The following CCNA1 variants were observed in gnomAD, a reference collection of about 807,000 sequenced individuals.
CCNA1 encodes the protein cyclin-A1.
CCNA1 carries 23 observed loss-of-function variants against 54.1 expected under a neutral mutation model. The observed-to-expected ratio is 0.42, with a 90% CI of 0.31 to 0.60. The LOEUF is 0.60. Ranked by LOEUF, CCNA1 falls within the 20% of genes least tolerant of loss-of-function variation. CCNA1 has a pLI of 0.14. For missense variants in CCNA1, 450 were observed against 556.7 expected, an observed-to-expected ratio of 0.81 and a Z score of 1.93; for synonymous variants, 208 against 213.9, an observed-to-expected ratio of 0.97 and a Z score of 0.24.
chr13:36,431,565 C>A (rs1480639301), upstream of CCNA1: 2 of 152,252 alleles, frequency 1.3e-5, no homozygotes, highest in Non-Finnish European at 2.9e-5. Flanking sequence ...TGCGCAGGAG[C>A]CCGCGGGGGA....
intron 2 of CCNA1, among the ~76,000 whole-genome samples, 159 bp downstream of exon 2, chr13:36,433,380 T>C (rs1456705347): frequency 1.9e-5 from 1 of 54,008 alleles, no homozygotes; most frequent in Non-Finnish European, 3.4e-5. Flanking sequence ...TTTTCTTTCT[T>C]TCTTTCTTTC....
chr13:36,433,369 ATTTTCTTTCTTTCTTTCT>A (rs2055742966), intron 2 of CCNA1, 148 bp downstream of exon 2: 1 of 339,424 alleles, frequency 2.9e-6, no homozygotes, highest in African/African-American at 2.6e-5. Flanking sequence ...TGATTGATTT[ATTTTCTTTCTTTCTTTCT>A]TTCTTTCTTT....
chr13:36,433,375 T>A (rs2055744713), intron 2 of CCNA1, among the ~76,000 whole-genome samples, 154 bp downstream of exon 2: 1 of 14,672 alleles, frequency 6.8e-5, no homozygotes, highest in African/African-American at 4.1e-4. Flanking sequence ...ATTTATTTTC[T>A]TTCTTTCTTT....
In CCNA1 at chr13:36,433,390, C is replaced by CTTTCTTTCTTTA. The variant is rs761518564; in HGVS notation, c.297+180_297+181insATTTCTTTCTTT. On this transcript the variant is annotated intron_variant, in intron 2 of 8. Transcript: ENST00000255465. ...ATTTATTTTCTTTCTTTCTTTCTTTCTTTCTTTCTTTCTTTCTTTCTTTCT... is the reference window on the plus strand; with the variant it reads ...ATTTATTTTCTTTCTTTCTTTCTTTCTTTCTTTCTTTATTTCTTTCTTTCTTTCTTTCTTTCT... 1.9e-4 allele frequency among the ~76,000 whole-genome samples: 16 copies of CTTTCTTTCTTTA among 83,794 alleles called. 2 individuals carry two copies. The highest frequency in any genetic ancestry group is 6.6e-4 in the African/African-American group (12 of 18,140). The allele number at this position is 83,794 out of a possible 152,430, so 55.0% of individuals were successfully genotyped here. A position where few individuals can be genotyped will look rare whatever the true frequency, so the allele number is the denominator to read the frequency against.
At position 36,438,852 on chromosome 13, in the gene CCNA1, C is replaced by T; in HGVS notation, c.878C>T (p.Ala293Val). 2 of 1,613,308 alleles carry T rather than the reference C, an allele frequency of 1.2e-6. No individual in the cohort carries two copies. The highest frequency in any genetic ancestry group is 1.7e-6 in the Non-Finnish European group (2 of 1,179,242). ...AAACTGCAGCTCGTAGGAACAGCAGCTATGCTTTTGGCTTCGTAAGTGTTC... is the reference window on the plus strand; with the variant it reads ...AAACTGCAGCTCGTAGGAACAGCAGTTATGCTTTTGGCTTCGTAAGTGTTC... The change falls in exon 5 of 9, where the codon GCT becomes GTT. Residue 293 changes from alanine (A) to valine (V), a missense_variant. Ala to Val is a moderately conservative substitution (Grantham distance 64). This residue lies in a region of CCNA1 where 150 missense variants were observed against 219.7 expected (regional missense o/e 0.68). Coordinates refer to ENST00000255465, the MANE Select transcript of CCNA1 (RefSeq NM_003914.4).
At chr13:36,436,833 A>C (rs541183589) in intron 2 of CCNA1, among the ~76,000 whole-genome samples, 18 of 152,228 alleles carry the variant, frequency 1.2e-4, no homozygotes, top group Non-Finnish European at 2.6e-4. Flanking sequence ...TATAAACAAA[A>C]TGTTAATGTG....
Position 36,437,074 on chromosome 13 carries a change from T to A in CCNA1, c.298-555T>A, listed in dbSNP as rs553475124. ...GAAATTTCCCCAAGAGTAAATGCAT[T>A]ATGTCATACGTAAAGGTTCTGTGGC... is the stretch of plus-strand genomic sequence containing the variant. On this transcript the variant is annotated intron_variant, in intron 2 of 8. Coordinates refer to ENST00000255465, the MANE Select transcript of CCNA1 (RefSeq NM_003914.4). Among the ~76,000 whole-genome samples the A allele has an allele frequency of 6.6e-5, 10 of 152,314 alleles. No individual in the cohort carries two copies. In the South Asian group the frequency reaches 2.1e-3, roughly 32 times the overall value.
At chr13:36,438,909 G>C in intron 5 of CCNA1, 42 bp downstream of exon 5, 1 of 1,437,048 alleles carries the variant, frequency 7.0e-7, no homozygotes, top group South Asian at 1.2e-5. Context: ...ACTATCACTT[G>C]TCAAAACATG....
intron 3 of CCNA1, 42 bp from the exon 4 acceptor site, chr13:36,438,025 T>TTTAAATTAATTAATAAATAAA (rs1463644662): frequency 3.7e-6 from 6 of 1,602,088 alleles, no homozygotes; most frequent in Non-Finnish European, 5.1e-6. Context: ...TGAACAAATG[T>TTTAAATTAATTAATAAATAAA]TTAAATTAAA....
chr13:36,439,420 A>G (rs984210809), intron 5 of CCNA1, among the ~76,000 whole-genome samples: 2 of 152,184 alleles, frequency 1.3e-5, no homozygotes, highest in South Asian at 2.1e-4. Context: ...CAAACATTCT[A>G]TTGTTAATGC....
intron 5 of CCNA1, 82 bp from the exon 6 acceptor site, chr13:36,439,897 T>C: frequency 1.2e-6 from 1 of 838,838 alleles, no homozygotes. Context: ...GCAAGGGCCA[T>C]GCGGAGAGGC....
At chr13:36,431,871 C>T (rs2055711039), upstream of CCNA1, 1 of 152,678 alleles carries the variant, frequency 6.5e-6, no homozygotes, top group Non-Finnish European at 1.5e-5. Context: ...GTCGCTCTCC[C>T]GAGCCAGGGT....
chr13:36,437,981 T>C (rs1372212420), intron 3 of CCNA1, 86 bp from the exon 4 acceptor site: 2 of 1,571,930 alleles, frequency 1.3e-6, no homozygotes, highest in Non-Finnish European at 8.7e-7. Context: ...AAGTAATAAC[T>C]GTATTCACAA....
chr13:36,441,288 C>A, intron 7 of CCNA1, 57 bp downstream of exon 7: 1 of 1,044,578 alleles, frequency 9.6e-7, no homozygotes, highest in Non-Finnish European at 1.5e-6. Flanking sequence ...ATGGGCTTGC[C>A]TCTTATGAGG....
chr13:36,438,958 G>C (rs970715055), intron 5 of CCNA1, 91 bp downstream of exon 5: 5 of 911,880 alleles, frequency 5.5e-6, no homozygotes, highest in South Asian at 1.5e-5. Flanking sequence ...GAAATGCAAT[G>C]CTTGATAATT....
chr13:36,437,631 G>C lies in CCNA1; in HGVS notation c.300G>C (p.Gly100=). The change falls in exon 3 of 9, where the codon GGG becomes GGC. Residue 100 remains glycine (G), a splice_region_variant and synonymous_variant. Transcript: ENST00000255465. ...CAAAAGATTTAAACGTTTTTTAGGG[G>C]ATCACAAGAATCAGGTGTTATTCTG... is the stretch of plus-strand genomic sequence containing the variant. 6.2e-7 allele frequency: 1 copy of C among 1,613,588 alleles called. No homozygotes were observed. Among genetic ancestry groups the C allele is most frequent in the Non-Finnish European group, 8.5e-7 (1 of 1,179,842 alleles).
intron 5 of CCNA1, 36 bp downstream of exon 5, chr13:36,438,903 T>TATA: frequency 6.8e-7 from 1 of 1,479,360 alleles, no homozygotes; most frequent in Non-Finnish European, 9.4e-7. Context: ...TATGAAACTA[T>TATA]CACTTGTCAA....
At chr13:36,433,450 C>CT (rs1269806300) in intron 2 of CCNA1, among the ~76,000 whole-genome samples, 3 of 91,216 alleles carry the variant, frequency 3.3e-5, no homozygotes, top group Admixed American at 1.2e-4. Context: ...TTCGTTCTTT[C>CT]TTTCTTTCTT....
chr13:36,431,592 C>G (rs575627370), upstream of CCNA1: 12 of 152,346 alleles, frequency 7.9e-5, no homozygotes, highest in Non-Finnish European at 1.6e-4. Context: ...CTCGTGGGGA[C>G]CTCGAGCACG....
Sources: allele counts gnomAD v4.1 joint callset (sites outside exome capture counted in the v4.1 genomes callset), GRCh38; gene constraint gnomAD v4.1.1; regional missense constraint gnomAD v4.1.1; transcripts MANE v1.5; gene names NCBI Gene and HGNC (gene_info 2026-07-23, HGNC 2026-07-21).